The following EEPD1 variants were observed in gnomAD, a reference collection of about 807,000 sequenced individuals.
EEPD1 encodes the protein endonuclease/exonuclease/phosphatase family domain containing 1.
Under a neutral mutation model 46.3 loss-of-function variants are expected in EEPD1, and 17 were observed. The ratio of observed to expected loss-of-function variants is 0.37; its 90% CI spans 0.25 to 0.55. The LOEUF is 0.55. EEPD1 is among the 20% of genes least tolerant of loss of function. EEPD1 has a pLI of 0.83. For synonymous variants in EEPD1, 313 were observed against 315.6 expected (o/e 0.99, Z 0.09); for missense variants, 673 against 745.6 (o/e 0.90, Z 1.13).
At chr7:36,284,627 C>A in intron 4 of EEPD1, 59 bp from the exon 5 acceptor site, 1 of 1,571,794 alleles carries the variant, frequency 6.4e-7, no homozygotes, top group Non-Finnish European at 8.6e-7. Flanking sequence ...TCTCTGCCTC[C>A]TTTCCCCAGG....
chr7:36,292,358 T>C (rs1787457714), intron 6 of EEPD1, among the ~76,000 whole-genome samples: 1 of 146,624 alleles, frequency 6.8e-6, no homozygotes, highest in Admixed American at 6.8e-5. Flanking sequence ...CTTTCTTTTT[T>C]CTTTTCTTTT....
chr7:36,165,586 A>AATTAATTTATTT (rs147653968), intron 2 of EEPD1, among the ~76,000 whole-genome samples: 1 of 134,628 alleles, frequency 7.4e-6, no homozygotes, highest in Non-Finnish European at 1.6e-5. Flanking sequence ...CGCCCCAGCT[A>AATTAATTTATTT]ATTTATTTAT....
intron 3 of EEPD1, among the ~76,000 whole-genome samples, chr7:36,240,345 C>T (rs1301482131): frequency 6.6e-6 from 1 of 152,148 alleles, no homozygotes; most frequent in East Asian, 1.9e-4. Context: ...AAAATGAACA[C>T]CAACCAGTGG....
At chr7:36,295,939 G>A (rs1562716127) in intron 6 of EEPD1, among the ~76,000 whole-genome samples, 1 of 145,844 alleles carries the variant, frequency 6.9e-6, no homozygotes, top group Non-Finnish European at 1.5e-5. Context: ...GCTGAGGCAG[G>A]AGAATCGCTT....
chr7:36,203,490 G>C (rs1236425409), intron 2 of EEPD1, among the ~76,000 whole-genome samples: 1 of 152,204 alleles, frequency 6.6e-6, no homozygotes, highest in Non-Finnish European at 1.5e-5. Flanking sequence ...AGAGGCTGGT[G>C]TTTTTAAAAC....
At chr7:36,192,869 C>G (rs2115681824) in intron 2 of EEPD1, among the ~76,000 whole-genome samples, 1 of 152,352 alleles carries the variant, frequency 6.6e-6, no homozygotes, top group East Asian at 1.9e-4. Flanking sequence ...GCTCCAGTAG[C>G]CTGGTTGGGC....
chr7:36,178,978 G>A (rs2115649283), intron 2 of EEPD1, among the ~76,000 whole-genome samples: 1 of 152,382 alleles, frequency 6.6e-6, no homozygotes, highest in African/African-American at 2.4e-5. Flanking sequence ...AACTTGAAAA[G>A]AGATTATGGC....
chr7:36,239,131 A>G (rs1786509080), intron 3 of EEPD1, 95 bp downstream of exon 3: 3 of 1,196,838 alleles, frequency 2.5e-6, no homozygotes, highest in Non-Finnish European at 3.6e-6. Flanking sequence ...GACAGCCCCT[A>G]CTGAAAAGAC....
At chr7:36,212,847 T>C (rs555664280) in intron 2 of EEPD1, among the ~76,000 whole-genome samples, 13 of 152,184 alleles carry the variant, frequency 8.5e-5, no homozygotes, top group Non-Finnish European at 1.5e-4. Context: ...TTAACAAAAG[T>C]ATACCTTAAG....
chr7:36,182,088 G>A (rs759455140), intron 2 of EEPD1, among the ~76,000 whole-genome samples: 10 of 152,314 alleles, frequency 6.6e-5, no homozygotes, highest in Admixed American at 1.3e-4. Context: ...TCTTACCAGC[G>A]TGGATAAGGT....
chr7:36,267,900 A>G (rs535430895), intron 3 of EEPD1, among the ~76,000 whole-genome samples: 3 of 152,304 alleles, frequency 2.0e-5, no homozygotes, highest in South Asian at 4.1e-4. Context: ...GAGAAGAGAC[A>G]TGAGATAGAT....
At chr7:36,194,908 A>G (rs1464190594) in intron 2 of EEPD1, among the ~76,000 whole-genome samples, 1 of 152,194 alleles carries the variant, frequency 6.6e-6, no homozygotes, top group African/African-American at 2.4e-5. Flanking sequence ...TCTACCAACT[A>G]CTAGACACAA....
At chr7:36,222,245 C>T (rs1382825268) in intron 2 of EEPD1, among the ~76,000 whole-genome samples, 1 of 152,034 alleles carries the variant, frequency 6.6e-6, no homozygotes, top group African/African-American at 2.4e-5. Context: ...TGTATTCTTA[C>T]AAATAAAGTA....
At chr7:36,257,227 G>T (rs1786840814) in intron 3 of EEPD1, among the ~76,000 whole-genome samples, 1 of 151,862 alleles carries the variant, frequency 6.6e-6, no homozygotes, top group Non-Finnish European at 1.5e-5. Flanking sequence ...TGGGTAACCT[G>T]ATCTTTCCTT....
At chr7:36,244,103 G>T (rs1786599610) in intron 3 of EEPD1, among the ~76,000 whole-genome samples, 1 of 151,760 alleles carries the variant, frequency 6.6e-6, no homozygotes, top group African/African-American at 2.4e-5. Context: ...CAGCAAAAAA[G>T]GGCTTAGTTA....
chr7:36,222,080 G>A (rs1028085945), intron 2 of EEPD1, among the ~76,000 whole-genome samples: 24 of 152,146 alleles, frequency 1.6e-4, no homozygotes, highest in Non-Finnish European at 3.1e-4. Context: ...GGGGTTAGGG[G>A]AGCCAACCCG....
intron 7 of EEPD1, among the ~76,000 whole-genome samples, chr7:36,298,351 C>A (rs1787558341): frequency 6.6e-6 from 1 of 152,172 alleles, no homozygotes; most frequent in Non-Finnish European, 1.5e-5. Context: ...GTTGCCCCCG[C>A]TACAGAATGG....
chr7:36,243,791 G>T (rs375350040), intron 3 of EEPD1, among the ~76,000 whole-genome samples: 4 of 150,720 alleles, frequency 2.7e-5, no homozygotes, highest in African/African-American at 7.3e-5. Context: ...GTAAACTATC[G>T]CAAGGACAAA....
Position 36,299,460 on chromosome 7 carries a change from C to A in EEPD1, c.*254C>A. 1 of 543,184 alleles carries A rather than the reference C, an allele frequency of 1.8e-6. No homozygotes were observed. The highest frequency in any genetic ancestry group is 2.2e-5 in the South Asian group (1 of 45,806). 33.6% of individuals were successfully genotyped at this position (543,184 alleles called of 1,614,324 possible). Reference sequence around the variant, plus strand: ...CGGAGACGCCTTTTATCTCTGGATGCCACAGACCTGAGCAGCATTGGGCTG... The same window carrying A: ...CGGAGACGCCTTTTATCTCTGGATGACACAGACCTGAGCAGCATTGGGCTG... On this transcript the variant is annotated 3_prime_UTR_variant, in exon 8 of 8. Coordinates refer to ENST00000242108, the MANE Select transcript of EEPD1 (RefSeq NM_030636.3).
Sources: gnomAD v4.1 joint callset for allele counts (sites outside exome capture counted in the v4.1 genomes callset) on GRCh38, gnomAD v4.1.1 for gene constraint, MANE v1.5 for transcripts, NCBI Gene and HGNC (gene_info 2026-07-23, HGNC 2026-07-21) for gene names.